Variants in ACOT8 observed in about 807,000 individuals in gnomAD.
ACOT8 encodes the protein acyl-coenzyme A thioesterase 8.
A neutral mutation model predicts 38.4 loss-of-function variants in ACOT8; 31 were observed. That is an observed-to-expected ratio of 0.81 (90% CI 0.61 to 1.09). The LOEUF (loss-of-function observed/expected upper bound fraction) is 1.09, where lower values mean the gene tolerates loss of function less well. ACOT8 is among the 50% of genes least tolerant of loss of function. ACOT8 has a pLI of 0.00. For missense variants in ACOT8, 373 were observed against 421.8 expected, an observed-to-expected ratio of 0.88 and a Z score of 1.01; for synonymous variants, 158 against 170.3, an observed-to-expected ratio of 0.93 and a Z score of 0.56.
intron 2 of ACOT8, among the ~76,000 whole-genome samples, chr20:45,849,536 T>C (rs187504405): frequency 6.6e-6 from 1 of 151,926 alleles, no homozygotes; most frequent in Non-Finnish European, 1.5e-5. Context: ...CTGCAACCTC[T>C]GCCTCCCAGG....
intron 2 of ACOT8, among the ~76,000 whole-genome samples, chr20:45,850,242 CTG>C (rs2145770383): frequency 1.3e-5 from 2 of 151,946 alleles, no homozygotes; most frequent in South Asian, 4.1e-4. Context: ...GAGTGAAACT[CTG>C]TCTCAAAAAA....
chr20:45,845,827 G>GTTTT (rs940280737), intron 3 of ACOT8, among the ~76,000 whole-genome samples: 4 of 146,234 alleles, frequency 2.7e-5, no homozygotes, highest in African/African-American at 5.3e-5. Flanking sequence ...ACTGACTTTG[G>GTTTT]TTTTTTTTTG....
chr20:45,847,286 C>T (rs1434803889), intron 3 of ACOT8, among the ~76,000 whole-genome samples: 1 of 152,036 alleles, frequency 6.6e-6, no homozygotes, highest in African/African-American at 2.4e-5. Flanking sequence ...TGCAGCTCTC[C>T]AGAGGACACT....
rs539732683 is a variant in ACOT8 at position 45,848,364 on chromosome 20, C to A, written c.488+86G>T. 2.3e-3 allele frequency: 2,812 copies of A among 1,212,310 alleles called. 6 individuals carry two copies. The highest frequency in any genetic ancestry group is 3.0e-3 in the Non-Finnish European group (2,608 of 863,370). The allele number at this position is 1,212,310 out of a possible 1,614,324, so 75.1% of individuals were successfully genotyped here. A position where few individuals can be genotyped will look rare whatever the true frequency, so the allele number is the denominator to read the frequency against. On this transcript the variant is annotated intron_variant, in intron 3 of 5. Coordinates refer to ENST00000217455, the MANE Select transcript of ACOT8 (RefSeq NM_005469.4). ...TAATCTGTATTTTAAAAATGCTGGT[C>A]AAGACCCACTAAAGGATTCTATGAC... is the stretch of plus-strand genomic sequence containing the variant.
chr20:45,847,753 A>T (rs1413987545), intron 3 of ACOT8: 1 of 151,158 alleles, frequency 6.6e-6, no homozygotes, highest in African/African-American at 2.4e-5. Flanking sequence ...ACATGTATAT[A>T]TATAAACAAC....
At chr20:45,848,893 G>A in intron 2 of ACOT8, 1 of 444,130 alleles carries the variant, frequency 2.3e-6, no homozygotes, top group Non-Finnish European at 4.0e-6. Flanking sequence ...AAACAGCAGA[G>A]ACATTGACAG....
At chr20:45,856,921 T>A (rs538283871) in intron 1 of ACOT8, among the ~76,000 whole-genome samples, 256 of 152,272 alleles carry the variant, frequency 1.7e-3, no homozygotes, top group African/African-American at 5.7e-3. Context: ...AGCTCCCCCG[T>A]GAAGGCTTAG....
At chr20:45,844,024 A>AC in intron 4 of ACOT8, 1 of 782,844 alleles carries the variant, frequency 1.3e-6, no homozygotes. Flanking sequence ...CTGGACAACA[A>AC]CCCCAGCGAG....
intron 2 of ACOT8, among the ~76,000 whole-genome samples, chr20:45,850,028 G>A (rs1984961976): frequency 6.6e-6 from 1 of 152,054 alleles, no homozygotes. Context: ...GGCCAACATG[G>A]CAAAACCCTG....
chr20:45,853,743 C>A, intron 2 of ACOT8: 1 of 328,824 alleles, frequency 3.0e-6, no homozygotes, highest in Non-Finnish European at 5.8e-6. Context: ...GGTAAGTATT[C>A]AAATACTTTA....
intron 2 of ACOT8, among the ~76,000 whole-genome samples, chr20:45,849,661 G>A (rs565054355): frequency 6.6e-6 from 1 of 152,174 alleles, no homozygotes; most frequent in East Asian, 1.9e-4. Context: ...GTGTTGCCCA[G>A]GCTGGTCTCA....
At chr20:45,853,124 C>T (rs987566174) in intron 2 of ACOT8, among the ~76,000 whole-genome samples, 7 of 152,334 alleles carry the variant, frequency 4.6e-5, no homozygotes, top group Admixed American at 4.6e-4. Flanking sequence ...CACGCTGCTC[C>T]TGGATGAAGA....
chr20:45,843,400 T>G (rs1478245452), intron 5 of ACOT8, 127 bp downstream of exon 5: 2 of 1,256,752 alleles, frequency 1.6e-6, no homozygotes, highest in East Asian at 5.0e-5. Flanking sequence ...TGCCAAAGCC[T>G]GGGAGGGAAG....
chr20:45,843,564 G>A lies in ACOT8; in HGVS notation c.804C>T (p.Asp268=), dbSNP rs139286507. Residue 268 remains aspartate, a synonymous_variant, in exon 5 of 6, where the codon GAC becomes GAT. Transcript: ENST00000217455. ...TCTCGCATTCATAGAGCATCCAGTG[G>A]TCAGCTCGGAAGGGGGCGTGGAACC... ...SMWFHAPFRA[D]HWMLYECESP... 1.2e-5 allele frequency: 19 copies of A among 1,611,420 alleles called. No homozygotes were observed. The highest frequency in any genetic ancestry group is 1.6e-4 in the Middle Eastern group (1 of 6,072).
In ACOT8 at chr20:45,855,148, G is replaced by T. The variant is rs183086306; in HGVS notation, c.262+11C>A. Reference sequence around the variant, plus strand: ...CCAGGGTTGGGTTGGGGCAGGAAGTGGGGGGTTTACCTGCCCGAACAAAGT... The same window carrying T: ...CCAGGGTTGGGTTGGGGCAGGAAGTTGGGGGTTTACCTGCCCGAACAAAGT... On this transcript the variant is annotated intron_variant, in intron 2 of 5. Transcript: ENST00000217455. 8 of 1,613,116 alleles carry T rather than the reference G, an allele frequency of 5.0e-6. No homozygotes were observed. The African/African-American group carries it at 8.0e-5, about 16-fold the overall frequency.
At chr20:45,842,514 A>C in intron 5 of ACOT8, 1 of 1,015,866 alleles carries the variant, frequency 9.8e-7, no homozygotes, top group Non-Finnish European at 1.2e-6. Context: ...AGGGGAAGAA[A>C]GGACTCAGAA....
chr20:45,854,021 T>A lies in ACOT8; in HGVS notation c.262+1138A>T, dbSNP rs551301307. On this transcript the variant is annotated intron_variant, in intron 2 of 5. Transcript: ENST00000217455. Reference sequence around the variant, plus strand: ...AGGGAAGGAAAGAAAACAGTGAGGGTTTTTTTTGTTTGTTTTTTAGCATAG... The same window carrying A: ...AGGGAAGGAAAGAAAACAGTGAGGGATTTTTTTGTTTGTTTTTTAGCATAG... The A allele has an allele frequency of 4.5e-4, 496 of 1,092,192 alleles. No individual in the cohort carries two copies. In the African/African-American group the frequency reaches 0.014, roughly 31 times the overall value. 67.7% of individuals were successfully genotyped at this position (1,092,192 alleles called of 1,614,324 possible). A position where few individuals can be genotyped will look rare whatever the true frequency, so the allele number is the denominator to read the frequency against.
Position 45,843,105 on chromosome 20 carries a change from C to T in ACOT8, c.841+422G>A, listed in dbSNP as rs539910896. 36 of 1,082,884 alleles carry T rather than the reference C, an allele frequency of 3.3e-5. No individual in the cohort carries two copies. The South Asian group carries it at 5.7e-4, about 17-fold the overall frequency. The allele number at this position is 1,082,884 out of a possible 1,614,324, so 67.1% of individuals were successfully genotyped here. On this transcript the variant is annotated intron_variant, in intron 5 of 5. Coordinates refer to ENST00000217455, the MANE Select transcript of ACOT8 (RefSeq NM_005469.4). ...TATCCAAGACCTACTGAGTGAGAATCTTGAGGGTGGAATCAGAATCTATTT... is the reference window on the plus strand; with the variant it reads ...TATCCAAGACCTACTGAGTGAGAATTTTGAGGGTGGAATCAGAATCTATTT...
intron 2 of ACOT8, among the ~76,000 whole-genome samples, chr20:45,849,354 G>C (rs141729982): frequency 8.4e-4 from 128 of 152,010 alleles, no homozygotes; most frequent in African/African-American, 3.0e-3. Flanking sequence ...GTGTAATCTC[G>C]GCTCACTGCA....
Sources: gnomAD v4.1 joint callset for allele counts (sites outside exome capture counted in the v4.1 genomes callset) on GRCh38, gnomAD v4.1.1 for gene constraint, MANE v1.5 for transcripts, NCBI Gene and HGNC (gene_info 2026-07-23, HGNC 2026-07-21) for gene names.